Variants in LRP2 observed in about 807,000 individuals in gnomAD.
LRP2 encodes LDL receptor related protein 2, also known as low-density lipoprotein receptor-related protein 2.
A neutral mutation model predicts 531.0 loss-of-function variants in LRP2; 172 were observed. That is an observed-to-expected ratio of 0.32 (90% confidence interval 0.29 to 0.37). LRP2 has a LOEUF of 0.37. Among genes scored for constraint, LRP2 ranks in the 10% least tolerant of loss-of-function variants. The pLI is 1.00. For missense variants in LRP2, 5,167 were observed against 5,868.3 expected, an observed-to-expected ratio of 0.88 and a Z score of 3.90; for synonymous variants, 1,992 against 2,027.6, an observed-to-expected ratio of 0.98 and a Z score of 0.47.
intron 24 of LRP2, among the ~76,000 whole-genome samples, 191 bp from the exon 25 acceptor site, chr2:169,241,556 G>A (rs895680910): frequency 2.6e-5 from 4 of 152,142 alleles, no homozygotes; most frequent in African/African-American, 9.7e-5. Flanking sequence ...TTTCTTTGTG[G>A]CAGCTAGTGG....
chr2:169,162,202 G>A (rs746820221), intron 63 of LRP2, among the ~76,000 whole-genome samples: 37 of 152,164 alleles, frequency 2.4e-4, no homozygotes, highest in African/African-American at 5.8e-4. Context: ...TGGCCAATTC[G>A]TTTAACCTCT....
At chr2:169,132,545 A>G (rs1272411100) in intron 77 of LRP2, 29 bp downstream of exon 77, 1 of 1,323,342 alleles carries the variant, frequency 7.6e-7, no homozygotes, top group South Asian at 1.2e-5. Context: ...TCCAAATCCC[A>G]CATTATTTCA....
intron 1 of LRP2, among the ~76,000 whole-genome samples, chr2:169,339,158 T>C (rs1190899106): frequency 1.3e-5 from 2 of 152,108 alleles, no homozygotes; most frequent in Non-Finnish European, 2.9e-5. Flanking sequence ...TATGTATATA[T>C]ATAGCTCTTC....
At chr2:169,218,816 C>T (rs958328869) in intron 34 of LRP2, among the ~76,000 whole-genome samples, 5 of 152,132 alleles carry the variant, frequency 3.3e-5, no homozygotes, top group Non-Finnish European at 5.9e-5. Flanking sequence ...TCTTGATACT[C>T]AGAATGACCT....
At chr2:169,357,005 A>G (rs899034694) in intron 1 of LRP2, among the ~76,000 whole-genome samples, 4 of 152,216 alleles carry the variant, frequency 2.6e-5, no homozygotes, top group African/African-American at 9.6e-5. Flanking sequence ...TTTAATAAAT[A>G]TTCATGGAAA....
chr2:169,192,013 A>G lies in LRP2; in HGVS notation c.8851T>C (p.Ser2951Pro). The G allele has an allele frequency of 6.2e-7, 1 of 1,612,824 alleles. No individual in the cohort carries two copies. The highest frequency in any genetic ancestry group is 8.5e-7 in the Non-Finnish European group (1 of 1,178,824). ...CTGTCATTTACACAGAGAAACTCGG[A>G]ATCCGAGCAGTTTTGATTCTCTGAA... ...HQCQNQNCSD[S>P]EFLCVNDRPP... The change falls in exon 48 of 79, where the codon TCC (serine) becomes CCC (proline). Residue 2951 changes from serine (S) to proline (P), a missense_variant. By Grantham distance (74) the Ser-to-Pro change is moderately conservative (BLOSUM62 -1). This residue lies in a region of LRP2 where 1,129 missense variants were observed against 1,362.7 expected (regional missense o/e 0.83). Transcript: ENST00000649046.
At chr2:169,200,688 G>C (rs912900160) in intron 44 of LRP2, among the ~76,000 whole-genome samples, 1 of 152,130 alleles carries the variant, frequency 6.6e-6, no homozygotes, top group Non-Finnish European at 1.5e-5. Context: ...CAAGCAAAAG[G>C]TATTTATCCT....
At chr2:169,183,854 A>G (rs184457962) in intron 50 of LRP2, among the ~76,000 whole-genome samples, 1 of 152,298 alleles carries the variant, frequency 6.6e-6, no homozygotes, top group East Asian at 1.9e-4. Flanking sequence ...ATTGGAGAAA[A>G]AAGTTGTTTC....
chr2:169,177,010 G>A (rs1224944530), intron 53 of LRP2, among the ~76,000 whole-genome samples: 2 of 152,172 alleles, frequency 1.3e-5, no homozygotes, highest in East Asian at 3.8e-4. Flanking sequence ...AATAAACTGA[G>A]CAGCATCTTT....
chr2:169,361,922 C>T (rs1686176457), intron 1 of LRP2, among the ~76,000 whole-genome samples: 1 of 152,232 alleles, frequency 6.6e-6, no homozygotes, highest in Non-Finnish European at 1.5e-5. Flanking sequence ...GAAAGCTGCG[C>T]TCTGAGCAGA....
At chr2:169,327,669 G>C (rs1574261672) in intron 1 of LRP2, among the ~76,000 whole-genome samples, 1 of 82,252 alleles carries the variant, frequency 1.2e-5, no homozygotes. Context: ...GGGGGGCTCA[G>C]CCCCCTCCCG....
intron 21 of LRP2, among the ~76,000 whole-genome samples, chr2:169,245,236 G>A (rs972290858): frequency 3.9e-5 from 6 of 152,168 alleles, no homozygotes; most frequent in Admixed American, 1.3e-4. Context: ...TAAGGAAATT[G>A]AGTCTTTGAG....
At chr2:169,271,786 T>C in intron 15 of LRP2, 1 of 526,068 alleles carries the variant, frequency 1.9e-6, no homozygotes, top group Non-Finnish European at 2.4e-6. Flanking sequence ...AACCTTACAG[T>C]AGATACCAAG....
At chr2:169,335,620 G>T (rs1685381984) in intron 1 of LRP2, among the ~76,000 whole-genome samples, 1 of 152,104 alleles carries the variant, frequency 6.6e-6, no homozygotes, top group Admixed American at 6.6e-5. Flanking sequence ...TCTGTAATCA[G>T]CATAGACAGC....
intron 3 of LRP2, among the ~76,000 whole-genome samples, chr2:169,309,272 G>T (rs1372286435): frequency 6.6e-6 from 1 of 152,042 alleles, no homozygotes; most frequent in Admixed American, 6.5e-5. Context: ...CATTGCTTTT[G>T]GTGTTTTAGA....
At chr2:169,170,743 G>A (rs1391900191) in intron 58 of LRP2, 76 bp from the exon 59 acceptor site, 2 of 985,246 alleles carry the variant, frequency 2.0e-6, no homozygotes, top group Non-Finnish European at 3.3e-6. Flanking sequence ...GCTGACCATA[G>A]TGCCCTGGGT....
chr2:169,306,003 A>G (rs1176032501), intron 4 of LRP2, among the ~76,000 whole-genome samples: 1 of 152,124 alleles, frequency 6.6e-6, no homozygotes, highest in African/African-American at 2.4e-5. Context: ...ACAACACTCT[A>G]TCACGTTCAC....
intron 47 of LRP2, 151 bp downstream of exon 47, chr2:169,193,610 A>T: frequency 1.1e-6 from 1 of 944,936 alleles, no homozygotes; most frequent in Non-Finnish European, 1.7e-6. Flanking sequence ...GATATCAAAC[A>T]CTCCCAGCAT....
chr2:169,211,879 C>G (rs914036632), intron 37 of LRP2, 89 bp downstream of exon 37: 1 of 1,524,152 alleles, frequency 6.6e-7, no homozygotes, highest in Admixed American at 1.7e-5. Context: ...TGCACTGAAT[C>G]CACACATGAA....
Sources: gnomAD v4.1 joint callset for allele counts (sites outside exome capture counted in the v4.1 genomes callset) on GRCh38, gnomAD v4.1.1 for gene constraint, gnomAD v4.1.1 regional missense constraint, MANE v1.5 for transcripts, NCBI Gene and HGNC (gene_info 2026-07-23, HGNC 2026-07-21) for gene names.